The following SLC4A4 variants were observed in gnomAD, a reference collection of about 807,000 sequenced individuals.
SLC4A4 encodes solute carrier family 4 member 4.
SLC4A4 carries 27 observed loss-of-function variants against 111.5 expected under a neutral mutation model. That is an observed-to-expected ratio of 0.24 (90% confidence interval 0.18 to 0.33). SLC4A4 has a LOEUF of 0.33. Among genes scored for constraint, SLC4A4 ranks in the 10% least tolerant of loss-of-function variants. The probability of loss-of-function intolerance (pLI) is 1.00; values close to 1 mark genes in which losing one functional copy is unlikely to be tolerated. For missense variants in SLC4A4, 909 were observed against 1,315.5 expected (o/e 0.69, Z 4.78); for synonymous variants, 443 against 463.4 (o/e 0.96, Z 0.57).
In SLC4A4 at chr4:71,339,629, T is replaced by C. The variant is rs72852160; in HGVS notation, c.389+124T>C. On this transcript the variant is annotated intron_variant, in intron 4 of 25. Transcript: ENST00000264485. ...AATGGCCAATGGGCATGATGTTGGC[T>C]GGGATAAGGAGTAAATAATTCTATT... The C allele has an allele frequency of 3.1e-3, 2,726 of 875,006 alleles. 45 individuals carry two copies. In the African/African-American group the frequency reaches 0.04, roughly 13 times the overall value. The allele number at this position is 875,006 out of a possible 1,614,324, so 54.2% of individuals were successfully genotyped here.
At chr4:71,408,183 T>C (rs192607643) in intron 7 of SLC4A4, among the ~76,000 whole-genome samples, 3 of 152,288 alleles carry the variant, frequency 2.0e-5, no homozygotes, top group East Asian at 3.9e-4. Flanking sequence ...GCACATAACA[T>C]TGAGTATTTT....
intron 3 of SLC4A4, among the ~76,000 whole-genome samples, chr4:71,269,073 G>A (rs1458610745): frequency 1.3e-5 from 2 of 152,198 alleles, no homozygotes; most frequent in Non-Finnish European, 2.9e-5. Flanking sequence ...ATTAGAACAA[G>A]GTCTTTGGAC....
chr4:71,473,048 A>T (rs551809701), intron 14 of SLC4A4, 78 bp downstream of exon 14: 2 of 1,479,242 alleles, frequency 1.4e-6, no homozygotes, highest in Non-Finnish European at 1.9e-6. Flanking sequence ...CAAATTTTCA[A>T]CATGCTGTCA....
intron 15 of SLC4A4, among the ~76,000 whole-genome samples, chr4:71,492,533 A>G (rs1186470085): frequency 6.6e-6 from 1 of 151,914 alleles, no homozygotes; most frequent in Non-Finnish European, 1.5e-5. Flanking sequence ...CATTTACCTA[A>G]ACAATCTGCT....
chr4:71,127,470 C>T (rs567929227), intron 2 of SLC4A4, among the ~76,000 whole-genome samples: 1 of 152,154 alleles, frequency 6.6e-6, no homozygotes, highest in East Asian at 1.9e-4. Flanking sequence ...CTTTTGGTAC[C>T]TATGTCAGCC....
chr4:71,077,781 A>G (rs1028189798), intron 1 of SLC4A4, among the ~76,000 whole-genome samples: 1 of 152,136 alleles, frequency 6.6e-6, no homozygotes. Flanking sequence ...TGAAAGCAAG[A>G]TTTGCTATGG....
intron 13 of SLC4A4, among the ~76,000 whole-genome samples, chr4:71,466,979 G>GAGAGAT (rs1363275518): frequency 6.9e-6 from 1 of 145,818 alleles, no homozygotes; most frequent in African/African-American, 2.6e-5. Context: ...GAGAGAGAGA[G>GAGAGAT]GTCTGAGTAT....
rs549844397 is a variant in SLC4A4, at chr4:71,075,398, T to C, written c.-65+12610T>C. 5.3e-5 allele frequency among the ~76,000 whole-genome samples: 8 copies of C among 152,278 alleles called. No homozygotes were observed. In the East Asian group the frequency reaches 1.5e-3, roughly 29 times the overall value. ...AGGAAATGCAATCCTATTTTTTGTC[T>C]CTCATTTCAATCAGAGAAAAAACAA... On this transcript the variant is annotated intron_variant, in intron 1 of 26. Transcript: ENST00000649996.
At chr4:71,263,443 A>G (rs1285970727) in intron 3 of SLC4A4, among the ~76,000 whole-genome samples, 4 of 152,184 alleles carry the variant, frequency 2.6e-5, no homozygotes, top group East Asian at 1.9e-4. Flanking sequence ...GCAATATTGC[A>G]TGCTTCTTTT....
chr4:71,134,734 A>AT (rs1368183262), intron 2 of SLC4A4, among the ~76,000 whole-genome samples: 1 of 152,130 alleles, frequency 6.6e-6, no homozygotes, highest in Non-Finnish European at 1.5e-5. Context: ...CTCATTTCTA[A>AT]TTATCTGGTC....
chr4:71,262,350 T>C (rs1181816907), intron 3 of SLC4A4, among the ~76,000 whole-genome samples: 1 of 152,224 alleles, frequency 6.6e-6, no homozygotes, highest in Non-Finnish European at 1.5e-5. Flanking sequence ...AAATAAATTC[T>C]GCGGAATTCT....
chr4:71,528,723 G>T (rs1733634506), intron 16 of SLC4A4, among the ~76,000 whole-genome samples: 1 of 151,820 alleles, frequency 6.6e-6, no homozygotes, highest in South Asian at 2.1e-4. Flanking sequence ...TAGAAAAATA[G>T]ATTTTAGGAT....
At position 71,570,350 on chromosome 4, in the gene SLC4A4, A is replaced by G. The variant is rs1326619944; in HGVS notation, c.*2599A>G. ...TACATTTGCTAAACAGACAGTTAAT[A>G]TCAAATCCTTTCAATATTCTGGGAA... On this transcript the variant is annotated 3_prime_UTR_variant, in exon 26 of 26. Coordinates refer to ENST00000264485, the MANE Select transcript of SLC4A4 (RefSeq NM_001098484.3). 6.6e-6 allele frequency: 1 copy of G among 152,136 alleles called. No individual in the cohort carries two copies. Among genetic ancestry groups the G allele is most frequent in the East Asian group, 1.9e-4 (1 of 5,144 alleles). 9.4% of individuals were successfully genotyped at this position (152,136 alleles called of 1,614,324 possible). A position where few individuals can be genotyped will look rare whatever the true frequency, so the allele number is the denominator to read the frequency against.
intron 1 of SLC4A4, among the ~76,000 whole-genome samples, chr4:71,080,315 ACT>A (rs1741958417): frequency 6.6e-6 from 1 of 151,772 alleles, no homozygotes; most frequent in Admixed American, 6.6e-5. Flanking sequence ...GTCAGCGTGC[ACT>A]CTCTCTTTGC....
chr4:71,347,468 C>A (rs1257603363), intron 4 of SLC4A4, among the ~76,000 whole-genome samples: 1 of 152,086 alleles, frequency 6.6e-6, no homozygotes, highest in Non-Finnish European at 1.5e-5. Context: ...CTTTCTCACA[C>A]ATGGCACCAT....
At chr4:71,248,743 G>A (rs1720856640) in intron 2 of SLC4A4, among the ~76,000 whole-genome samples, 1 of 152,158 alleles carries the variant, frequency 6.6e-6, no homozygotes, top group Non-Finnish European at 1.5e-5. Context: ...TTTATAGAGT[G>A]CCAGTCAGTT....
chr4:71,330,710 C>G (rs1477267171), intron 3 of SLC4A4, among the ~76,000 whole-genome samples: 1 of 152,116 alleles, frequency 6.6e-6, no homozygotes, highest in East Asian at 1.9e-4. Context: ...AAAGCAATGG[C>G]AACAAAAGCC....
chr4:71,481,886 C>A (rs940549394), intron 14 of SLC4A4, among the ~76,000 whole-genome samples: 1 of 149,750 alleles, frequency 6.7e-6, no homozygotes, highest in Non-Finnish European at 1.5e-5. Context: ...AGAGATTGTC[C>A]CAGTGGTAAT....
In SLC4A4 at chr4:71,449,535, G is replaced by T. The variant is rs184440879; in HGVS notation, c.1054-854G>T. 1.5e-3 allele frequency among the ~76,000 whole-genome samples: 224 copies of T among 152,254 alleles called. 2 individuals are homozygous for T. In the Middle Eastern group the frequency reaches 0.02, roughly 14 times the overall value. ...CCCCACAACCCCCAGACTGTTAAAT[G>T]TTACTTAATTGATAGCTTTTAAAAA... is the stretch of plus-strand genomic sequence containing the variant. On this transcript the variant is annotated intron_variant, in intron 9 of 25. Transcript: ENST00000264485.
Sources: allele counts gnomAD v4.1 joint callset (sites outside exome capture counted in the v4.1 genomes callset), GRCh38; gene constraint gnomAD v4.1.1; transcripts MANE v1.5; gene names NCBI Gene and HGNC (gene_info 2026-07-23, HGNC 2026-07-21).